KALRN: variants seen among roughly 807,000 people sequenced by gnomAD.
KALRN encodes kalirin.
In KALRN, 70 loss-of-function variants were observed where a neutral mutation model predicts 353.7. That is an observed-to-expected ratio of 0.20 (90% CI 0.16 to 0.24). KALRN has a LOEUF of 0.24. Ranked by LOEUF, KALRN falls within the 10% of genes least tolerant of loss-of-function variation. The pLI is 1.00. For synonymous variants in KALRN, 1,391 were observed against 1,434.8 expected, an observed-to-expected ratio of 0.97 and a Z score of 0.69; for missense variants, 2,791 against 3,756.7, an observed-to-expected ratio of 0.74 and a Z score of 6.72.
At chr3:124,279,627 A>G (rs1389796348) in intron 5 of KALRN, among the ~76,000 whole-genome samples, 1 of 152,244 alleles carries the variant, frequency 6.6e-6, no homozygotes, top group African/African-American at 2.4e-5. Context: ...ACACAAGGTC[A>G]GCTGCTAGCA....
At chr3:124,668,652 C>A (rs1231764563) in intron 47 of KALRN, among the ~76,000 whole-genome samples, 2 of 152,186 alleles carry the variant, frequency 1.3e-5, no homozygotes, top group Non-Finnish European at 2.9e-5. Flanking sequence ...TGGCCCTCAA[C>A]TGTAAAAAAA....
At chr3:124,411,549 C>T (rs932579657) in intron 13 of KALRN, among the ~76,000 whole-genome samples, 1 of 143,936 alleles carries the variant, frequency 6.9e-6, no homozygotes, top group Non-Finnish European at 1.5e-5. Context: ...TCAAGTGATT[C>T]TCCTGCCTCA....
At chr3:124,556,890 T>A (rs917187306) in intron 33 of KALRN, among the ~76,000 whole-genome samples, 12 of 152,210 alleles carry the variant, frequency 7.9e-5, no homozygotes, top group African/African-American at 9.6e-5. Flanking sequence ...TGCTAAGTTG[T>A]TGATGATGTT....
chr3:124,443,041 C>G (rs2150614064), intron 19 of KALRN, among the ~76,000 whole-genome samples: 2 of 152,180 alleles, frequency 1.3e-5, no homozygotes, highest in East Asian at 3.9e-4. Context: ...TGCATTTTGG[C>G]AAAACTGCCC....
intron 47 of KALRN, 55 bp from the exon 48 acceptor site, chr3:124,671,605 C>A: frequency 7.5e-7 from 1 of 1,341,770 alleles, no homozygotes; most frequent in Non-Finnish European, 1.1e-6. Flanking sequence ...AAGAGGCCTC[C>A]AAATCCTTGT....
At chr3:124,119,664 T>A (rs1008732804) in intron 1 of KALRN, among the ~76,000 whole-genome samples, 24 of 152,214 alleles carry the variant, frequency 1.6e-4, no homozygotes, top group Non-Finnish European at 7.3e-5. Context: ...CGGGTAGGAC[T>A]GAAGCATGGT....
intron 58 of KALRN, among the ~76,000 whole-genome samples, chr3:124,715,369 G>A (rs2063089028): frequency 6.6e-6 from 1 of 152,206 alleles, no homozygotes; most frequent in African/African-American, 2.4e-5. Flanking sequence ...CCAGGCAACT[G>A]AGATTTGGAT....
intron 1 of KALRN, among the ~76,000 whole-genome samples, chr3:124,224,156 G>GT (rs199787944): frequency 0.17 from 22,224 of 132,870 alleles, 3,111 homozygotes; most frequent in East Asian, 0.65. Flanking sequence ...CCCTGATTTT[G>GT]TTTTTTTTTT....
intron 13 of KALRN, 93 bp from the exon 14 acceptor site, chr3:124,413,377 G>A: frequency 9.8e-7 from 1 of 1,019,486 alleles, no homozygotes; most frequent in Non-Finnish European, 1.4e-6. Flanking sequence ...CTGAGGGGTG[G>A]ATTCATGAAT....
chr3:124,090,112 G>T (rs1055852223), intron 1 of KALRN, among the ~76,000 whole-genome samples: 3 of 152,096 alleles, frequency 2.0e-5, no homozygotes, highest in Admixed American at 6.5e-5. Context: ...TGTGGGCAGT[G>T]GGGGGTACTG....
At chr3:124,544,293 G>A (rs972896594) in intron 33 of KALRN, among the ~76,000 whole-genome samples, 10 of 152,182 alleles carry the variant, frequency 6.6e-5, no homozygotes, top group Admixed American at 5.9e-4. Flanking sequence ...AGGTGCAGTG[G>A]CTCATGCCTG....
intron 57 of KALRN, among the ~76,000 whole-genome samples, chr3:124,702,537 A>G (rs1298151409): frequency 6.6e-6 from 1 of 152,110 alleles, no homozygotes; most frequent in Non-Finnish European, 1.5e-5. Context: ...GTATCTTTTT[A>G]TTACTGATTT....
intron 6 of KALRN, among the ~76,000 whole-genome samples, chr3:124,318,589 G>T (rs907989469): frequency 1.3e-5 from 2 of 152,214 alleles, no homozygotes; most frequent in African/African-American, 2.4e-5. Flanking sequence ...GTGTTATTAA[G>T]CTGGAGAAAG....
chr3:124,311,277 C>T (rs570491894), intron 6 of KALRN, among the ~76,000 whole-genome samples: 8 of 151,372 alleles, frequency 5.3e-5, no homozygotes, highest in South Asian at 4.2e-4. Flanking sequence ...CTGGCCAACA[C>T]GGCAAAACCT....
At chr3:124,056,462 C>A (rs2149184312) in intron 1 of KALRN, among the ~76,000 whole-genome samples, 1 of 152,244 alleles carries the variant, frequency 6.6e-6, no homozygotes, top group South Asian at 2.1e-4. Flanking sequence ...TCTGGGCAGG[C>A]CACTGTACCT....
chr3:124,212,870 A>G (rs774600570), intron 1 of KALRN, among the ~76,000 whole-genome samples: 2 of 152,088 alleles, frequency 1.3e-5, no homozygotes, highest in Non-Finnish European at 2.9e-5. Context: ...AATTAAGTGG[A>G]CTGCTTTTTC....
At chr3:124,241,729 G>C (rs1200238208) in intron 3 of KALRN, among the ~76,000 whole-genome samples, 1 of 152,218 alleles carries the variant, frequency 6.6e-6, no homozygotes, top group Non-Finnish European at 1.5e-5. Flanking sequence ...CCTGAGTTAA[G>C]TGATGAAATA....
intron 58 of KALRN, among the ~76,000 whole-genome samples, chr3:124,715,652 T>G (rs2063102319): frequency 6.6e-6 from 1 of 152,112 alleles, no homozygotes; most frequent in African/African-American, 2.4e-5. Context: ...AAGACACCAG[T>G]GGGAAGGAGC....
At chr3:124,306,360 G>C (rs1009436732) in intron 6 of KALRN, among the ~76,000 whole-genome samples, 7 of 152,018 alleles carry the variant, frequency 4.6e-5, no homozygotes, top group South Asian at 2.1e-4. Flanking sequence ...TTTTAGAGAG[G>C]CTCAATGTAG....
Sources: allele counts gnomAD v4.1 joint callset (sites outside exome capture counted in the v4.1 genomes callset), GRCh38; gene constraint gnomAD v4.1.1; transcripts MANE v1.5; gene names NCBI Gene and HGNC (gene_info 2026-07-23, HGNC 2026-07-21).